Variants in HMGA2 observed in about 807,000 individuals in gnomAD.
HMGA2 encodes the protein high mobility group protein HMGI-C.
HMGA2 carries 8 observed loss-of-function variants against 19.1 expected under a neutral mutation model. That is an observed-to-expected ratio of 0.42 (90% CI 0.25 to 0.76). The LOEUF is 0.76. HMGA2 is among the 30% of genes least tolerant of loss of function. The pLI is 0.28. For synonymous variants in HMGA2, 60 were observed against 48.8 expected, an observed-to-expected ratio of 1.23 and a Z score of -0.96; for missense variants, 109 against 136.3, an observed-to-expected ratio of 0.80 and a Z score of 1.00.
At chr12:65,862,296 C>CACACAT (rs1555182659) in intron 3 of HMGA2, among the ~76,000 whole-genome samples, 3 of 151,640 alleles carry the variant, frequency 2.0e-5, no homozygotes, top group African/African-American at 7.3e-5. Context: ...CACACACACA[C>CACACAT]ACACACACAC....
intron 3 of HMGA2, among the ~76,000 whole-genome samples, chr12:65,943,325 C>T (rs1033325881): frequency 1.3e-5 from 2 of 152,156 alleles, no homozygotes; most frequent in Non-Finnish European, 2.9e-5. Context: ...GATCTTTTCA[C>T]TCCATTCCAA....
In HMGA2 at chr12:65,824,713, TTCTCTCTCTCTCTCTCTC is replaced by T. The variant is rs60786450; in HGVS notation, c.-519_-502del. The T allele has an allele frequency of 0.011, 1,576 of 145,010 alleles. 8 individuals are homozygous for T. Among genetic ancestry groups the T allele is most frequent in the East Asian group, 0.026 (329 of 12,612 alleles). 9.0% of individuals were successfully genotyped at this position (145,010 alleles called of 1,614,324 possible). Reference sequence around the variant, plus strand: ...CCAAGGCACTTTCAATCTCAATCTCTTCTCTCTCTCTCTCTCTCTCTCTCTCTCTCTCTCTCTCTCTCT... The same window carrying T: ...CCAAGGCACTTTCAATCTCAATCTCTTCTCTCTCTCTCTCTCTCTCTCTCT... On this transcript the variant is annotated 5_prime_UTR_variant, in exon 1 of 5. Transcript: ENST00000403681.
chr12:65,951,680 T>A, intron 4 of HMGA2: 1 of 335,240 alleles, frequency 3.0e-6, no homozygotes, highest in Non-Finnish European at 5.4e-6. Context: ...TTACATTGCC[T>A]CATATGTAAA....
At chr12:65,853,447 T>C (rs1278600805) in intron 3 of HMGA2, among the ~76,000 whole-genome samples, 2 of 152,194 alleles carry the variant, frequency 1.3e-5, no homozygotes, top group African/African-American at 2.4e-5. Flanking sequence ...GGGCTGAAAG[T>C]ACATAAGTTT....
At chr12:65,933,187 A>G (rs768360790) in intron 3 of HMGA2, among the ~76,000 whole-genome samples, 7 of 152,112 alleles carry the variant, frequency 4.6e-5, no homozygotes, top group Non-Finnish European at 8.8e-5. Flanking sequence ...TTGGAGGTAG[A>G]CTAGCATAGG....
Position 65,828,000 on chromosome 12 carries a change from G to C in HMGA2, c.112-1G>C. 6.2e-7 allele frequency: 1 copy of C among 1,610,262 alleles called. No homozygotes were observed. Among genetic ancestry groups the C allele is most frequent in the Non-Finnish European group, 8.5e-7 (1 of 1,176,720 alleles). ...AGCATTTTTTTTTCCCTCACAATTAGGAACCAACCGGTGAGCCCTCTCCTA... is the reference window on the plus strand; with the variant it reads ...AGCATTTTTTTTTCCCTCACAATTACGAACCAACCGGTGAGCCCTCTCCTA... On this transcript the variant is annotated splice_acceptor_variant, in intron 1 of 4. Coordinates refer to ENST00000403681, the MANE Select transcript of HMGA2 (RefSeq NM_003483.6). LOFTEE classifies it high-confidence loss of function.
chr12:65,912,677 A>G (rs1874897630), intron 3 of HMGA2, among the ~76,000 whole-genome samples: 1 of 152,166 alleles, frequency 6.6e-6, no homozygotes, highest in Non-Finnish European at 1.5e-5. Flanking sequence ...AATGTGATTG[A>G]AAGCATAGGT....
At chr12:65,955,802 C>T (rs890448143) in intron 4 of HMGA2, 3 of 152,218 alleles carry the variant, frequency 2.0e-5, no homozygotes, top group Admixed American at 2.0e-4. Context: ...GCAAAGAAAT[C>T]TCAGTAAGCC....
At chr12:65,952,392 A>C (rs1876488411) in intron 4 of HMGA2, 3 of 1,534,956 alleles carry the variant, frequency 2.0e-6, no homozygotes, top group Non-Finnish European at 2.6e-6. Context: ...CCACCCGGGC[A>C]ATCTTATATA....
intron 3 of HMGA2, among the ~76,000 whole-genome samples, chr12:65,848,649 G>A (rs899207262): frequency 6.6e-6 from 1 of 152,102 alleles, no homozygotes; most frequent in African/African-American, 2.4e-5. Context: ...GAGGTCAGGA[G>A]ATCGAGACCA....
At chr12:65,900,625 G>T (rs1418983623) in intron 3 of HMGA2, among the ~76,000 whole-genome samples, 1 of 152,224 alleles carries the variant, frequency 6.6e-6, no homozygotes, top group Non-Finnish European at 1.5e-5. Context: ...ATAGAGCGGG[G>T]TATGGAGACC....
intron 3 of HMGA2, among the ~76,000 whole-genome samples, chr12:65,926,407 G>A (rs761150132): frequency 1.3e-5 from 2 of 152,180 alleles, no homozygotes; most frequent in Non-Finnish European, 2.9e-5. Context: ...GTTTAACTTC[G>A]TCTCTATAGA....
intron 3 of HMGA2, among the ~76,000 whole-genome samples, chr12:65,849,736 A>ATTTTTTTTTTTTTTTTTTTTTTTTTTT (rs34541445): frequency 1.1e-4 from 9 of 85,126 alleles, no homozygotes; most frequent in African/African-American, 4.3e-4. Flanking sequence ...TAGGCTCTGT[A>ATTTTTTTTTTTTTTTTTTTTTTTTTTT]TTTTTTTTTT....
chr12:65,879,292 AT>A (rs549881363), intron 3 of HMGA2, among the ~76,000 whole-genome samples: 5,712 of 103,892 alleles, frequency 0.055, 153 homozygotes, highest in African/African-American at 0.17. Flanking sequence ...CATACCAGCT[AT>A]TTTTTTTTTT....
At chr12:65,915,261 C>T in intron 3 of HMGA2, 1 of 1,525,284 alleles carries the variant, frequency 6.6e-7, no homozygotes, top group Non-Finnish European at 8.8e-7. Context: ...TAGATCATTT[C>T]AAAACACTGG....
At chr12:65,915,756 G>A (rs569646564) in intron 3 of HMGA2, among the ~76,000 whole-genome samples, 2 of 152,236 alleles carry the variant, frequency 1.3e-5, no homozygotes, top group Admixed American at 6.5e-5. Flanking sequence ...TACTCTTTGG[G>A]TTTAAATTTT....
intron 3 of HMGA2, among the ~76,000 whole-genome samples, chr12:65,849,201 T>C (rs189107168): frequency 1.3e-5 from 2 of 152,228 alleles, no homozygotes; most frequent in African/African-American, 4.8e-5. Context: ...ACATTTTCTT[T>C]CCTGCCATTA....
chr12:65,921,225 G>C (rs1323585744), intron 3 of HMGA2, among the ~76,000 whole-genome samples: 1 of 152,156 alleles, frequency 6.6e-6, no homozygotes, highest in Non-Finnish European at 1.5e-5. Context: ...CATTCAAGAG[G>C]TGACTTGGGT....
intron 3 of HMGA2, among the ~76,000 whole-genome samples, chr12:65,871,682 A>G (rs1872719374): frequency 6.6e-6 from 1 of 152,186 alleles, no homozygotes; most frequent in African/African-American, 2.4e-5. Flanking sequence ...AGAGAACTAC[A>G]TTCCTTTCCT....
Sources: allele counts gnomAD v4.1 joint callset (sites outside exome capture counted in the v4.1 genomes callset), GRCh38; gene constraint gnomAD v4.1.1; transcripts MANE v1.5; gene names NCBI Gene and HGNC (gene_info 2026-07-23, HGNC 2026-07-21).